Variants in IDH3G observed in about 807,000 individuals in gnomAD.
IDH3G encodes the protein isocitrate dehydrogenase [NAD] subunit gamma, mitochondrial.
A neutral mutation model predicts 26.9 loss-of-function variants in IDH3G; 9 were observed. That is an observed-to-expected ratio of 0.34 (90% CI 0.20 to 0.58). IDH3G has a LOEUF of 0.58. Among genes scored for constraint, IDH3G ranks in the 20% least tolerant of loss-of-function variants. The pLI is 0.85. For missense variants in IDH3G, 250 were observed against 372.8 expected, an observed-to-expected ratio of 0.67 and a Z score of 2.71; for synonymous variants, 181 against 160.0, an observed-to-expected ratio of 1.13 and a Z score of -0.99.
Position 153,787,257 on chromosome X carries a change from C to T in IDH3G, c.675-104G>A, listed in dbSNP as rs1557069409. The T allele has an allele frequency of 5.2e-6, 4 of 763,625 alleles. No homozygotes were observed. In the African/African-American group the frequency reaches 6.2e-5, roughly 12 times the overall value. 62.9% of individuals were successfully genotyped at this position (763,625 alleles called of 1,213,427 possible). On this transcript the variant is annotated intron_variant, in intron 8 of 12. Transcript: ENST00000217901. ...CAGGAGGCTGGGGTCTGAATTCTAACCTGTCCCTCACCAGCAAAATGGACA... is the reference window on the plus strand; with the variant it reads ...CAGGAGGCTGGGGTCTGAATTCTAATCTGTCCCTCACCAGCAAAATGGACA...
At position 153,790,529 on chromosome X, in the gene IDH3G, C is replaced by A. The variant is rs782305868; in HGVS notation, c.135+35G>T. On this transcript the variant is annotated intron_variant, in intron 3 of 12. Transcript: ENST00000217901. ...TAGTTAACCCCAAAGCAACTAAGAG[C>A]CCCCCAAACCTAACAGGCAGAGAAG... is the stretch of plus-strand genomic sequence containing the variant. 4 of 1,191,295 alleles carry A rather than the reference C, an allele frequency of 3.4e-6. No individual in the cohort carries two copies. The Admixed American group carries it at 6.6e-5, about 20-fold the overall frequency.
Position 153,787,837 on chromosome X carries a change from T to G in IDH3G, c.526A>C (p.Ser176Arg). The G allele has an allele frequency of 8.3e-7, 1 of 1,209,245 alleles. No individual in the cohort carries two copies. The highest frequency in any genetic ancestry group is 1.1e-6 in the Non-Finnish European group (1 of 893,222). ...VRENTEGEYS[S>R]LEHESVAGVV... ...CCCATGCACACCTCATGCTCCAGGCTGCTGTACTCGCCCTCTGTGTTCTCC... is the reference window on the plus strand; with the variant it reads ...CCCATGCACACCTCATGCTCCAGGCGGCTGTACTCGCCCTCTGTGTTCTCC... The change falls in exon 7 of 13, where the codon AGC becomes CGC. Residue 176 changes from serine to arginine, a missense_variant. This residue lies in a region of IDH3G where 201 missense variants were observed against 331.3 expected (regional missense o/e 0.61). Coordinates refer to ENST00000217901, the MANE Select transcript of IDH3G (RefSeq NM_004135.4).
At chrX:153,792,496 C>T (rs782391236) in intron 1 of IDH3G, 4 of 112,602 alleles carry the variant, frequency 3.6e-5, no homozygotes, top group African/African-American at 1.3e-4. Context: ...CCTGCCCCTT[C>T]ACCCCACTGG....
At position 153,789,775 on chromosome X, in the gene IDH3G, C is replaced by T; in HGVS notation, c.283G>A (p.Ala95Thr). The T allele has an allele frequency of 8.3e-7, 1 of 1,206,877 alleles. No homozygotes were observed. The highest frequency in any genetic ancestry group is 1.1e-6 in the Non-Finnish European group (1 of 892,234). The change falls in exon 5 of 13, where the codon GCT becomes ACT. Residue 95 changes from alanine (A) to threonine (T), a missense_variant. By Grantham distance (58) the Ala-to-Thr change is moderately conservative. This residue lies in a region of IDH3G where 201 missense variants were observed against 331.3 expected (regional missense o/e 0.61). Transcript: ENST00000217901. Reference protein sequence around the residue: ...DFEEVHVSSNADEEDIRNAIM... With the variant: ...DFEEVHVSSNTDEEDIRNAIM... ...GCATTGCGAATGTCCTCTTCATCAG[C>T]ATTGGAACTCACGTGCACCTCTTCA...
At position 153,787,882 on chromosome X, in the gene IDH3G, T is replaced by C; in HGVS notation, c.481A>G (p.Ile161Val). 8.3e-6 allele frequency: 10 copies of C among 1,211,156 alleles called. No homozygotes were observed. The highest frequency in any genetic ancestry group is 1.1e-5 in the Non-Finnish European group (10 of 894,701). The change falls in exon 7 of 13, where the codon ATA becomes GTA. Residue 161 changes from isoleucine (I) to valine (V), a missense_variant. Ile to Val is a conservative substitution (Grantham distance 29, BLOSUM62 3). Transcript: ENST00000217901. ...TTCTCCCGGACAATGAGGATGTCTA[T>C]GTCCTTGTGCCGGGTCACCACGCCT... ...LPGVVTRHKDIDILIVRENTE... is the reference protein window; with the variant it reads ...LPGVVTRHKDVDILIVRENTE...
intron 5 of IDH3G, among the ~76,000 whole-genome samples, chrX:153,788,600 G>A (rs1005928264): frequency 2.7e-5 from 3 of 112,959 alleles, no homozygotes; most frequent in Admixed American, 1.8e-4. Flanking sequence ...CCTACCCTAC[G>A]ACCCAGGACA....
chrX:153,790,547 C>G lies in IDH3G; in HGVS notation c.135+17G>C, dbSNP rs782352933. 2.4e-5 allele frequency: 29 copies of G among 1,203,900 alleles called. No individual in the cohort carries two copies. The highest frequency in any genetic ancestry group is 3.3e-5 in the Non-Finnish European group (29 of 889,680). ...CTAAGAGCCCCCCAAACCTAACAGGCAGAGAAGAATACTCACAATTGTTTG... is the reference window on the plus strand; with the variant it reads ...CTAAGAGCCCCCCAAACCTAACAGGGAGAGAAGAATACTCACAATTGTTTG... On this transcript the variant is annotated intron_variant, in intron 3 of 12. Coordinates refer to ENST00000217901, the MANE Select transcript of IDH3G (RefSeq NM_004135.4).
chrX:153,790,124 A>G (rs372267880), intron 4 of IDH3G, 71 bp downstream of exon 4: 1 of 898,721 alleles, frequency 1.1e-6, no homozygotes. Context: ...TCTGGGCGCA[A>G]TGCCCCTCTT....
rs782575057 is a variant in IDH3G, at chrX:153,793,131, G to A, written c.81+1115C>T. Among the ~76,000 whole-genome samples the A allele has an allele frequency of 2.0e-4, 22 of 111,029 alleles. 1 individual carries two copies. In the South Asian group the frequency reaches 8.0e-3, roughly 40 times the overall value. ...ACTGCCCAGCTACCCACCGTTCACT[G>A]TCCCCTACTCCCACCCCAACGCACA... On this transcript the variant is annotated intron_variant, in intron 1 of 12. Coordinates refer to ENST00000217901, the MANE Select transcript of IDH3G (RefSeq NM_004135.4).
At chrX:153,786,015 A>AC (rs782198097) in intron 12 of IDH3G, 42 bp from the exon 13 acceptor site, 4 of 1,208,252 alleles carry the variant, frequency 3.3e-6, no homozygotes, top group South Asian at 3.5e-5. Context: ...AGGCCCTGCC[A>AC]CCCCCCGCTG....
chrX:153,789,630 C>T (rs1288910148), intron 5 of IDH3G, 82 bp downstream of exon 5: 3 of 573,373 alleles, frequency 5.2e-6, no homozygotes, highest in Non-Finnish European at 8.5e-6. Flanking sequence ...AGCAAGCGAG[C>T]AAGTAAGCAA....
intron 5 of IDH3G, among the ~76,000 whole-genome samples, chrX:153,788,455 T>G (rs1483422838): frequency 8.9e-6 from 1 of 112,751 alleles, no homozygotes; most frequent in Non-Finnish European, 1.9e-5. Context: ...GTGACCACTC[T>G]TTACTAACAG....
intron 4 of IDH3G, 124 bp downstream of exon 4, chrX:153,790,071 G>T (rs1327900608): frequency 1.0e-5 from 6 of 582,376 alleles, no homozygotes; most frequent in Non-Finnish European, 1.4e-5. Flanking sequence ...GGGACGCAAG[G>T]CCTGGGCTTA....
At chrX:153,789,504 G>A (rs921598550) in intron 5 of IDH3G, among the ~76,000 whole-genome samples, 4 of 112,690 alleles carry the variant, frequency 3.5e-5, no homozygotes, top group South Asian at 3.6e-4. Flanking sequence ...AGATCACACC[G>A]CTGCACTCTA....
At chrX:153,786,057 C>T in intron 12 of IDH3G, 84 bp from the exon 13 acceptor site, 1 of 1,205,673 alleles carries the variant, frequency 8.3e-7, no homozygotes, top group Non-Finnish European at 1.1e-6. Flanking sequence ...GGGATTGCCA[C>T]AGGAGGGAAG....
At chrX:153,787,442 G>A (rs782575508) in intron 8 of IDH3G, 22 bp downstream of exon 8, 14 of 1,204,812 alleles carry the variant, frequency 1.2e-5, no homozygotes, top group Admixed American at 4.4e-5. Context: ...TGGACTGCTC[G>A]CAGAGAGGTC....
At position 153,785,979 on chromosome X, in the gene IDH3G, G is replaced by A; in HGVS notation, c.1081-6C>T. On this transcript the variant is annotated splice_polypyrimidine_tract_variant and splice_region_variant and intron_variant, in intron 12 of 12. Coordinates refer to ENST00000217901, the MANE Select transcript of IDH3G (RefSeq NM_004135.4). Reference sequence around the variant, plus strand: ...CCGATGTCCGGAGTGTGCATCTGTAGGACACAGGCAGGCTCGGCACACACC... The same window carrying A: ...CCGATGTCCGGAGTGTGCATCTGTAAGACACAGGCAGGCTCGGCACACACC... The A allele has an allele frequency of 8.3e-7, 1 of 1,211,288 alleles. No individual in the cohort carries two copies. The highest frequency in any genetic ancestry group is 3.0e-5 in the East Asian group (1 of 33,849).
chrX:153,794,024 C>A, intron 1 of IDH3G: 1 of 375,098 alleles, frequency 2.7e-6, no homozygotes, highest in Non-Finnish European at 4.5e-6. Context: ...TCCGGAGGGC[C>A]CCCCGCCACC....
At chrX:153,791,202 C>T (rs2092108396) in intron 1 of IDH3G, 2 of 246,246 alleles carry the variant, frequency 8.1e-6, no homozygotes, top group African/African-American at 2.7e-5. Context: ...GGCAAACTAA[C>T]CCTGGTACAG....
Sources: allele counts gnomAD v4.1 joint callset (sites outside exome capture counted in the v4.1 genomes callset), GRCh38; gene constraint gnomAD v4.1.1; regional missense constraint gnomAD v4.1.1; transcripts MANE v1.5; gene names NCBI Gene and HGNC (gene_info 2026-07-23, HGNC 2026-07-21).